Variants in ANK2 observed in about 807,000 individuals in gnomAD.
The protein encoded by ANK2 is ankyrin 2.
A neutral mutation model predicts 360.5 loss-of-function variants in ANK2; 83 were observed. That is an observed-to-expected ratio of 0.23 (90% CI 0.19 to 0.28). ANK2 has a LOEUF of 0.28. ANK2 is among the 10% of genes least tolerant of loss of function. The probability of loss-of-function intolerance (pLI) is 1.00; values close to 1 mark genes in which losing one functional copy is unlikely to be tolerated. For missense variants in ANK2, 4,201 were observed against 4,795.7 expected, an observed-to-expected ratio of 0.88 and a Z score of 3.66; for synonymous variants, 1,740 against 1,759.5, an observed-to-expected ratio of 0.99 and a Z score of 0.28.
At chr4:112,747,269 G>C in the ANK2 span, among the ~76,000 whole-genome samples, 10 of 152,212 alleles carry the variant, frequency 6.6e-5, no homozygotes, top group African/African-American at 2.2e-4. Flanking sequence ...CCAGGCCAGT[G>C]AGTGGCACTA....
intron 45 of ANK2, among the ~76,000 whole-genome samples, chr4:113,377,653 T>C (rs993791808): frequency 6.6e-6 from 1 of 152,226 alleles, no homozygotes; most frequent in Admixed American, 6.5e-5. Flanking sequence ...CATTGGAATA[T>C]TAAAAGCAAA....
At chr4:112,850,888 C>T (rs1011526830) in intron 1 of ANK2, among the ~76,000 whole-genome samples, 11 of 151,962 alleles carry the variant, frequency 7.2e-5, no homozygotes, top group Non-Finnish European at 1.3e-4. Context: ...TTTATCTCTC[C>T]GCCATCTTTT....
At chr4:113,338,051 A>T (rs967254607) in intron 31 of ANK2, among the ~76,000 whole-genome samples, 1 of 152,224 alleles carries the variant, frequency 6.6e-6, no homozygotes, top group East Asian at 1.9e-4. Context: ...AAATTATTTT[A>T]AAAATTAACA....
chr4:113,116,389 T>C (rs12511290), intron 1 of ANK2, among the ~76,000 whole-genome samples: 27,044 of 151,968 alleles, frequency 0.18, 3,386 homozygotes, highest in East Asian at 0.5. Flanking sequence ...GAGCCCAGAT[T>C]ATATTGTTTG....
At chr4:112,741,809 C>T in the ANK2 span, among the ~76,000 whole-genome samples, 154 of 151,902 alleles carry the variant, frequency 1.0e-3, no homozygotes, top group South Asian at 2.7e-3. Flanking sequence ...AGTGATACGC[C>T]GTTTCTTAAA....
chr4:113,366,374 C>T (rs1416917486), intron 41 of ANK2, among the ~76,000 whole-genome samples: 1 of 141,726 alleles, frequency 7.1e-6, no homozygotes, highest in Admixed American at 6.9e-5. Flanking sequence ...ACTTAAATTT[C>T]ATGACATTCT....
intron 4 of ANK2, among the ~76,000 whole-genome samples, chr4:113,200,518 C>G (rs1258959790): frequency 6.6e-6 from 1 of 152,088 alleles, no homozygotes; most frequent in Non-Finnish European, 1.5e-5. Context: ...CTATTATTTC[C>G]ATCTTTATGT....
chr4:112,899,969 T>A (rs183569105), intron 1 of ANK2, among the ~76,000 whole-genome samples: 149 of 152,236 alleles, frequency 9.8e-4, no homozygotes, highest in African/African-American at 3.2e-3. Context: ...TAGACCAAAA[T>A]TTTGGTGTTG....
In ANK2 at chr4:113,335,981, G is replaced by A. The variant is rs755716405; in HGVS notation, c.3515G>A (p.Ser1172Asn). ...ATTGGCCCAGAAGGAGGTGTACTGA[G>A]CAGCACAGTGGTGCCCCAGGTGCAG... Reference protein sequence around the residue: ...NLIGPEGGVLSSTVVPQVQAV... With the variant: ...NLIGPEGGVLNSTVVPQVQAV... The change falls in exon 30 of 46, where the codon AGC (serine) becomes AAC (asparagine). Residue 1172 changes from serine (S) to asparagine (N), a missense_variant. This residue lies in a region of ANK2 where 1,268 missense variants were observed against 1,650.8 expected (regional missense o/e 0.77). Coordinates refer to ENST00000357077, the MANE Select transcript of ANK2 (RefSeq NM_001148.6). 45 of 1,614,044 alleles carry A rather than the reference G, an allele frequency of 2.8e-5. No individual in the cohort carries two copies. The South Asian group carries it at 4.1e-4, about 15-fold the overall frequency.
At chr4:113,142,545 G>C (rs542156859) in intron 1 of ANK2, among the ~76,000 whole-genome samples, 14 of 152,182 alleles carry the variant, frequency 9.2e-5, no homozygotes, top group African/African-American at 3.1e-4. Context: ...AGTAGCACCA[G>C]GTGTTTGCAT....
At chr4:112,909,584 T>G (rs2086386612) in intron 2 of ANK2, among the ~76,000 whole-genome samples, 1 of 152,206 alleles carries the variant, frequency 6.6e-6, no homozygotes, top group African/African-American at 2.4e-5. Flanking sequence ...GTTTATAATC[T>G]ACATTAAAAC....
chr4:112,844,808 T>A (rs1470167129), intron 1 of ANK2, among the ~76,000 whole-genome samples: 2 of 152,242 alleles, frequency 1.3e-5, no homozygotes, highest in African/African-American at 4.8e-5. Context: ...ATTGGTTATT[T>A]GATTTTTAGT....
intron 2 of ANK2, among the ~76,000 whole-genome samples, chr4:112,920,959 G>A (rs1377192569): frequency 6.6e-6 from 1 of 151,938 alleles, no homozygotes; most frequent in Non-Finnish European, 1.5e-5. Context: ...AAATATTCAG[G>A]GAATTTTATT....
intron 18 of ANK2, among the ~76,000 whole-genome samples, chr4:113,285,262 A>G (rs1304226849): frequency 1.3e-5 from 2 of 151,986 alleles, no homozygotes; most frequent in Non-Finnish European, 2.9e-5. Context: ...TTCCCCACAT[A>G]CCAAGCAGCA....
the ANK2 span, among the ~76,000 whole-genome samples, chr4:112,784,832 T>C: frequency 6.6e-6 from 1 of 152,186 alleles, no homozygotes; most frequent in Non-Finnish European, 1.5e-5. Flanking sequence ...TTTCTGAAAA[T>C]TTTCCAAGTG....
chr4:113,285,589 C>A (rs1338331645), intron 18 of ANK2, among the ~76,000 whole-genome samples: 1 of 152,134 alleles, frequency 6.6e-6, no homozygotes, highest in Non-Finnish European at 1.5e-5. Context: ...AGGGAAGGCA[C>A]ACAGCTTCCA....
intron 2 of ANK2, among the ~76,000 whole-genome samples, chr4:113,003,647 G>A (rs982344955): frequency 6.6e-6 from 1 of 152,220 alleles, no homozygotes; most frequent in African/African-American, 2.4e-5. Context: ...AATAATTGGT[G>A]TAGGGTCAGT....
intron 2 of ANK2, among the ~76,000 whole-genome samples, chr4:112,976,514 A>G (rs1009323510): frequency 6.6e-6 from 1 of 152,106 alleles, no homozygotes; most frequent in Non-Finnish European, 1.5e-5. Flanking sequence ...TTTTTAGCTA[A>G]CTACTTCTCT....
the ANK2 span, among the ~76,000 whole-genome samples, chr4:112,770,010 G>A: frequency 2.0e-5 from 3 of 152,082 alleles, no homozygotes; most frequent in Non-Finnish European, 4.4e-5. Flanking sequence ...ATAATCACAC[G>A]ATCTAATTAT....
Sources: allele counts gnomAD v4.1 joint callset (sites outside exome capture counted in the v4.1 genomes callset), GRCh38; gene constraint gnomAD v4.1.1; regional missense constraint gnomAD v4.1.1; transcripts MANE v1.5; gene names NCBI Gene and HGNC (gene_info 2026-07-23, HGNC 2026-07-21).